Variants in MYO9A observed in about 807,000 individuals in gnomAD.
MYO9A encodes unconventional myosin-IXa.
In MYO9A, 103 loss-of-function variants were observed where a neutral mutation model predicts 293.3. The observed-to-expected ratio is 0.35, with a 90% confidence interval of 0.30 to 0.41. The LOEUF is 0.41. Ranked by LOEUF, MYO9A falls within the 10% of genes least tolerant of loss-of-function variation. The probability of loss-of-function intolerance (pLI) is 1.00; values close to 1 mark genes in which losing one functional copy is unlikely to be tolerated. For synonymous variants in MYO9A, 1,001 were observed against 1,035.7 expected, an observed-to-expected ratio of 0.97 and a Z score of 0.64; for missense variants, 2,685 against 3,033.0, an observed-to-expected ratio of 0.89 and a Z score of 2.69.
chr15:72,081,499 A>ACTGT (rs3028401), intron 1 of MYO9A, among the ~76,000 whole-genome samples: 142,889 of 151,974 alleles, frequency 0.94, 67,496 homozygotes, highest in South Asian at 0.99. Flanking sequence ...CATTCTGTAG[A>ACTGT]CTGTTTACTC....
At chr15:72,110,932 G>T (rs1019698107) in intron 1 of MYO9A, among the ~76,000 whole-genome samples, 2 of 151,902 alleles carry the variant, frequency 1.3e-5, no homozygotes, top group African/African-American at 4.8e-5. Context: ...GGCCGAAGCG[G>T]GCGGATCACA....
chr15:71,896,577 C>G (rs932407038), intron 25 of MYO9A, among the ~76,000 whole-genome samples: 2 of 151,898 alleles, frequency 1.3e-5, no homozygotes, highest in Non-Finnish European at 2.9e-5. Context: ...GTCAGGAGTT[C>G]GAGACCAGCC....
intron 4 of MYO9A, among the ~76,000 whole-genome samples, chr15:72,024,968 T>TG: frequency 6.6e-6 from 1 of 152,274 alleles, no homozygotes; most frequent in East Asian, 1.9e-4. Flanking sequence ...ATGGTATTAA[T>TG]AATCCTACCT....
chr15:72,103,687 T>C (rs1161894811), intron 1 of MYO9A, among the ~76,000 whole-genome samples: 2 of 151,862 alleles, frequency 1.3e-5, no homozygotes, highest in African/African-American at 4.9e-5. Context: ...CAGAAGAATT[T>C]CACAAATACT....
intron 10 of MYO9A, among the ~76,000 whole-genome samples, chr15:71,991,790 G>A (rs549367379): frequency 2.8e-4 from 42 of 152,328 alleles, no homozygotes; most frequent in African/African-American, 9.9e-4. Context: ...GTCTCGATCT[G>A]TCGCCCAGGC....
intron 1 of MYO9A, among the ~76,000 whole-genome samples, chr15:72,089,171 T>TTTTTG (rs2079830804): frequency 6.6e-6 from 1 of 152,090 alleles, no homozygotes; most frequent in Non-Finnish European, 1.5e-5. Context: ...TTTGTTTTTG[T>TTTTTG]TTTTGTTTTG....
chr15:71,901,059 T>C (rs2057468471), intron 23 of MYO9A, 132 bp downstream of exon 23: 1 of 905,310 alleles, frequency 1.1e-6, no homozygotes. Context: ...CACTTCAAAA[T>C]TGGGTACGAC....
chr15:72,075,711 G>C (rs1247135987), intron 1 of MYO9A, among the ~76,000 whole-genome samples: 1 of 151,880 alleles, frequency 6.6e-6, no homozygotes, highest in African/African-American at 2.4e-5. Flanking sequence ...GACTGCTTGA[G>C]TCCAGGAGTT....
intron 2 of MYO9A, among the ~76,000 whole-genome samples, chr15:72,034,899 A>G (rs745527743): frequency 2.0e-5 from 3 of 152,234 alleles, no homozygotes; most frequent in Non-Finnish European, 4.4e-5. Context: ...TGTGATTGCA[A>G]TACAACTTTT....
intron 1 of MYO9A, among the ~76,000 whole-genome samples, chr15:72,059,502 A>G (rs1328202586): frequency 2.6e-5 from 4 of 152,236 alleles, no homozygotes; most frequent in African/African-American, 9.6e-5. Flanking sequence ...GAAGGTTTTT[A>G]TCTGTGTAGA....
At chr15:71,928,427 GTTTT>G (rs940081628) in intron 18 of MYO9A, among the ~76,000 whole-genome samples, 1 of 151,456 alleles carries the variant, frequency 6.6e-6, no homozygotes, top group South Asian at 2.1e-4. Context: ...GCTATTTGGG[GTTTT>G]TTTGTGTATT....
intron 9 of MYO9A, among the ~76,000 whole-genome samples, chr15:71,999,582 T>A (rs1231476508): frequency 1.3e-5 from 2 of 152,166 alleles, no homozygotes; most frequent in Non-Finnish European, 1.5e-5. Context: ...CTACCATCTA[T>A]CTACCCCACA....
rs537897773 is a variant in MYO9A, at chr15:72,011,938, T to C, written c.1156-1491A>G. On this transcript the variant is annotated intron_variant, in intron 6 of 41. Transcript: ENST00000356056. Reference sequence around the variant, plus strand: ...CATTATTTAGGTAAATACATAGTCATTGAATTATTGAATAATATATAAATA... The same window carrying C: ...CATTATTTAGGTAAATACATAGTCACTGAATTATTGAATAATATATAAATA... Among the ~76,000 whole-genome samples the C allele has an allele frequency of 5.3e-5, 8 of 152,320 alleles. No individual in the cohort carries two copies. In the East Asian group the frequency reaches 9.6e-4, roughly 18 times the overall value.
At chr15:71,989,199 C>T (rs571963135) in intron 11 of MYO9A, among the ~76,000 whole-genome samples, 1 of 152,256 alleles carries the variant, frequency 6.6e-6, no homozygotes, top group African/African-American at 2.4e-5. Context: ...CAAAAGCACA[C>T]TCTTTTTATA....
At chr15:71,886,814 T>C (rs547755675) in intron 27 of MYO9A, among the ~76,000 whole-genome samples, 5 of 152,230 alleles carry the variant, frequency 3.3e-5, no homozygotes, top group Admixed American at 6.5e-5. Flanking sequence ...ATATATATAA[T>C]CTATTATTTC....
At position 72,090,927 on chromosome 15, in the gene MYO9A, T is replaced by C. The variant is rs2079884312; in HGVS notation, c.-72+26753A>G. Among the ~76,000 whole-genome samples, 3 of 150,646 alleles carry C rather than the reference T, an allele frequency of 2.0e-5. No individual in the cohort carries two copies. In the East Asian group the frequency reaches 5.8e-4, roughly 29 times the overall value. On this transcript the variant is annotated intron_variant, in intron 1 of 41. Coordinates refer to ENST00000356056, the MANE Select transcript of MYO9A (RefSeq NM_006901.4). Reference sequence around the variant, plus strand: ...CTGTAATCCCAGCACTTTGGGAGGCTGAGGTGGGAAAACCACTTGAGCCCA... The same window carrying C: ...CTGTAATCCCAGCACTTTGGGAGGCCGAGGTGGGAAAACCACTTGAGCCCA...
At chr15:71,953,904 T>TTTTGC (rs2059118576) in intron 14 of MYO9A, among the ~76,000 whole-genome samples, 1 of 152,004 alleles carries the variant, frequency 6.6e-6, no homozygotes, top group Non-Finnish European at 1.5e-5. Flanking sequence ...TTTTGTTTTG[T>TTTTGC]TTTGTTTTTT....
intron 4 of MYO9A, among the ~76,000 whole-genome samples, chr15:72,023,829 T>C (rs1351820316): frequency 6.6e-6 from 1 of 151,812 alleles, no homozygotes; most frequent in African/African-American, 2.4e-5. Flanking sequence ...ATGGAAAACA[T>C]TAATCTGCAC....
At chr15:71,850,374 T>G (rs2055582322) in intron 37 of MYO9A, among the ~76,000 whole-genome samples, 2 of 152,188 alleles carry the variant, frequency 1.3e-5, no homozygotes, top group South Asian at 4.1e-4. Context: ...TTTTCACTTG[T>G]TCTTTCCTTG....
Sources: allele counts gnomAD v4.1 joint callset (sites outside exome capture counted in the v4.1 genomes callset), GRCh38; gene constraint gnomAD v4.1.1; transcripts MANE v1.5; gene names NCBI Gene and HGNC (gene_info 2026-07-23, HGNC 2026-07-21).